MMP26: variants seen among roughly 807,000 people sequenced by gnomAD.
The protein encoded by MMP26 is matrix metalloproteinase-26.
In MMP26, 33 loss-of-function variants were observed where a neutral mutation model predicts 31.0. The ratio of observed to expected loss-of-function variants is 1.06; its 90% CI spans 0.81 to 1.42. MMP26 has a LOEUF of 1.42. Among genes scored for constraint, MMP26 ranks in the 40% most tolerant of loss-of-function variants. The probability of loss-of-function intolerance (pLI) is 0.00; values close to 1 mark genes in which losing one functional copy is unlikely to be tolerated. For synonymous variants in MMP26, 122 were observed against 114.9 expected (o/e 1.06, Z -0.40); for missense variants, 347 against 316.1 (o/e 1.10, Z -0.74).
chr11:4,820,439 T>C (rs1474761586), intron 2 of MMP26, among the ~76,000 whole-genome samples: 1 of 152,172 alleles, frequency 6.6e-6, no homozygotes, highest in Non-Finnish European at 1.5e-5. Flanking sequence ...TTTATCATAG[T>C]GTAGTGCTTA....
chr11:4,820,638 T>C (rs149235614), intron 2 of MMP26, among the ~76,000 whole-genome samples: 1,525 of 151,984 alleles, frequency 0.01, 18 homozygotes, highest in South Asian at 0.017. Flanking sequence ...TCCTCCTTCT[T>C]CTCCTCCTCC....
At chr11:4,834,118 A>G (rs975697220) in intron 2 of MMP26, among the ~76,000 whole-genome samples, 4 of 152,174 alleles carry the variant, frequency 2.6e-5, no homozygotes, top group Non-Finnish European at 5.9e-5. Context: ...GCATCAGAGC[A>G]GTCATCATCT....
intron 6 of MMP26, 36 bp downstream of exon 6, chr11:4,991,532 C>G (rs951249734): frequency 1.2e-6 from 2 of 1,605,004 alleles, no homozygotes; most frequent in African/African-American, 2.7e-5. Context: ...CTAGAACTCT[C>G]TGGGAACCTG....
At chr11:4,793,382 C>T (rs1991889) in intron 2 of MMP26, among the ~76,000 whole-genome samples, 27 of 151,802 alleles carry the variant, frequency 1.8e-4, no homozygotes, top group Non-Finnish European at 2.9e-4. Flanking sequence ...TGATAAAAAA[C>T]GAGAGACTTA....
Position 4,952,811 on chromosome 11 carries a change from G to A in MMP26, c.-144-35257G>A, listed in dbSNP as rs1846387377. The stretch of plus-strand genomic sequence containing the variant: ...CTAAAAATACCTGGAAGCACATCGT[G>A]CATGTATTAGAGGTTTGAAAGCAAT... On this transcript the variant is annotated intron_variant, in intron 2 of 7. Transcript: ENST00000380390. Among the ~76,000 whole-genome samples the A allele has an allele frequency of 4.0e-5, 5 of 125,188 alleles. 2 individuals carry two copies. The South Asian group carries it at 1.2e-3, about 30-fold the overall frequency. The allele number at this position is 125,188 out of a possible 152,430, so 82.1% of individuals were successfully genotyped here.
chr11:4,762,117 A>G (rs1297111806), intron 1 of MMP26, among the ~76,000 whole-genome samples: 1 of 152,214 alleles, frequency 6.6e-6, no homozygotes, highest in South Asian at 2.1e-4. Flanking sequence ...AAGCAAACCA[A>G]TATTTACTTG....
intron 2 of MMP26, chr11:4,860,245 T>C (rs974360479): frequency 2.1e-5 from 10 of 471,088 alleles, no homozygotes; most frequent in Non-Finnish European, 3.5e-5. Context: ...TCCAAATACA[T>C]GGATGAAGAA....
intron 2 of MMP26, among the ~76,000 whole-genome samples, chr11:4,824,947 T>A (rs571442736): frequency 2.2e-4 from 34 of 152,152 alleles, no homozygotes; most frequent in Admixed American, 7.9e-4. Context: ...TTGATTCCGG[T>A]TAGTCCAATT....
intron 2 of MMP26, among the ~76,000 whole-genome samples, chr11:4,789,691 C>T (rs531265506): frequency 2.1e-4 from 32 of 151,184 alleles, no homozygotes; most frequent in Admixed American, 1.1e-3. Flanking sequence ...CAGGTGCCTG[C>T]CACCACACCC....
intron 2 of MMP26, among the ~76,000 whole-genome samples, chr11:4,772,958 G>A (rs1017399673): frequency 1.3e-5 from 2 of 152,132 alleles, no homozygotes; most frequent in Non-Finnish European, 2.9e-5. Flanking sequence ...TTCAATTGAA[G>A]CACTATATCT....
chr11:4,943,556 A>G, intron 2 of MMP26: 1 of 444,952 alleles, frequency 2.2e-6, no homozygotes, highest in Non-Finnish European at 4.5e-6. Context: ...TATCCTGTAC[A>G]TTAAAGAATG....
intron 1 of MMP26, chr11:4,723,778 G>C (rs1848054841): frequency 6.5e-7 from 1 of 1,536,110 alleles, no homozygotes; most frequent in East Asian, 2.2e-5. Flanking sequence ...GTTGCTCCGA[G>C]CTGTCTTCTG....
intron 2 of MMP26, chr11:4,944,309 CCT>C (rs1354369604): frequency 5.7e-6 from 1 of 174,498 alleles, no homozygotes; most frequent in African/African-American, 2.4e-5. Context: ...CTTTTGACTT[CCT>C]CTCTGTGTGA....
chr11:4,861,654 G>T (rs1850161459), intron 2 of MMP26, among the ~76,000 whole-genome samples: 1 of 151,850 alleles, frequency 6.6e-6, no homozygotes, highest in Non-Finnish European at 1.5e-5. Context: ...CTTATTTTAA[G>T]GTAGGTAGAA....
Position 4,819,677 on chromosome 11 carries a change from A to C in MMP26, c.-145+52336A>C, listed in dbSNP as rs192298445. ...CACTGCAATCTTGACTTCTGAGCTC[A>C]AGAAATTCTCCTACTTCAGCTTACC... is the stretch of plus-strand genomic sequence containing the variant. On this transcript the variant is annotated intron_variant, in intron 2 of 7. Transcript: ENST00000380390. Among the ~76,000 whole-genome samples the C allele has an allele frequency of 2.9e-4, 43 of 148,304 alleles. No homozygotes were observed. In the East Asian group the frequency reaches 6.5e-3, roughly 23 times the overall value.
At chr11:4,970,424 A>G (rs1289971815) in intron 2 of MMP26, among the ~76,000 whole-genome samples, 1 of 152,230 alleles carries the variant, frequency 6.6e-6, no homozygotes, top group South Asian at 2.1e-4. Context: ...TAAAATATCC[A>G]GTCTATTTTC....
chr11:4,781,079 G>C (rs912082855), intron 2 of MMP26, among the ~76,000 whole-genome samples: 39 of 152,166 alleles, frequency 2.6e-4, no homozygotes, highest in African/African-American at 7.9e-4. Context: ...AAAGATTAAA[G>C]TATAGGAGTT....
chr11:4,842,515 G>A (rs1402104596), intron 2 of MMP26, among the ~76,000 whole-genome samples: 1 of 152,198 alleles, frequency 6.6e-6, no homozygotes, highest in African/African-American at 2.4e-5. Context: ...ACAGAGTGAA[G>A]AGGGAAGTGC....
rs1291424818 is a variant in MMP26 at position 4,865,661 on chromosome 11, TGTA to T, written c.-145+98324_-145+98326del. 2.6e-5 allele frequency among the ~76,000 whole-genome samples: 4 copies of T among 152,050 alleles called. No individual in the cohort carries two copies. The East Asian group carries it at 7.7e-4, about 29-fold the overall frequency. On this transcript the variant is annotated intron_variant, in intron 2 of 7. Transcript: ENST00000380390. The stretch of plus-strand genomic sequence containing the variant: ...GAGTAGCAGGAGTAGGAGTAGTAGT[TGTA>T]GTACCAGTAGTTTTATCAGGCTGGT...
Sources: allele counts gnomAD v4.1 joint callset (sites outside exome capture counted in the v4.1 genomes callset), GRCh38; gene constraint gnomAD v4.1.1; transcripts MANE v1.5; gene names NCBI Gene and HGNC (gene_info 2026-07-23, HGNC 2026-07-21).